SOX10: variants seen among roughly 807,000 people sequenced by gnomAD.
SOX10 encodes the protein SRY-box transcription factor 10.
In SOX10, 3 loss-of-function variants were observed where a neutral mutation model predicts 35.0. That is an observed-to-expected ratio of 0.09 (90% CI 0.04 to 0.22). The LOEUF is 0.22. Ranked by LOEUF, SOX10 falls within the 10% of genes least tolerant of loss-of-function variation. The pLI is 1.00. For synonymous variants in SOX10, 285 were observed against 291.0 expected (o/e 0.98, Z 0.21); for missense variants, 436 against 655.1 (o/e 0.67, Z 3.65).
rs1932454977 is a variant in SOX10 at position 37,983,229 on chromosome 22, T to C, written c.428+128A>G. 1 of 1,162,016 alleles carries C rather than the reference T, an allele frequency of 8.6e-7. No individual in the cohort carries two copies. The highest frequency in any genetic ancestry group is 1.5e-5 in the African/African-American group (1 of 65,704). 72.0% of individuals were successfully genotyped at this position (1,162,016 alleles called of 1,614,324 possible). A position where few individuals can be genotyped will look rare whatever the true frequency, so the allele number is the denominator to read the frequency against. On this transcript the variant is annotated intron_variant, in intron 2 of 3. Transcript: ENST00000396884. The surrounding 1 kb of genome is among the most constrained non-coding windows in gnomAD (Gnocchi z 9.5). Reference sequence around the variant, plus strand: ...GCGGGCGCGGCCCCCACACCTGGTCTTCCAGCCCTATCCAAGGAGGACTGC... The same window carrying C: ...GCGGGCGCGGCCCCCACACCTGGTCCTCCAGCCCTATCCAAGGAGGACTGC...
intron 2 of SOX10, among the ~76,000 whole-genome samples, chr22:37,982,924 A>C (rs1406213572): frequency 6.6e-6 from 1 of 152,222 alleles, no homozygotes; most frequent in Non-Finnish European, 1.5e-5. Context: ...TGAGTTCTCC[A>C]TCTGACTGCC....
In SOX10 at chr22:37,978,837, T is replaced by C. The variant is rs1315692882; in HGVS notation, c.429-702A>G. ...TGTCACCCATGCTAGAGCTCAGTGGTATGATCTCAGCTCACTGCAACCTCT... is the reference window on the plus strand; with the variant it reads ...TGTCACCCATGCTAGAGCTCAGTGGCATGATCTCAGCTCACTGCAACCTCT... On this transcript the variant is annotated intron_variant, in intron 2 of 3. Transcript: ENST00000396884. The surrounding 1 kb of genome is among the most constrained non-coding windows in gnomAD (Gnocchi z 5.0). 6.6e-6 allele frequency among the ~76,000 whole-genome samples: 1 copy of C among 152,092 alleles called. No individual in the cohort carries two copies. The highest frequency in any genetic ancestry group is 1.5e-5 in the Non-Finnish European group (1 of 68,008).
At chr22:37,976,305 C>T (rs991341492) in intron 3 of SOX10, among the ~76,000 whole-genome samples, 1 of 152,214 alleles carries the variant, frequency 6.6e-6, no homozygotes, top group Non-Finnish European at 1.5e-5. Context: ...AGGTGATCCT[C>T]CCACCTCAGC....
In SOX10 at chr22:37,973,880, C is replaced by T; in HGVS notation, c.1016G>A (p.Gly339Asp). Residue 339 changes from glycine (G) to aspartate (D), a missense_variant, in exon 4 of 4, where the codon GGC becomes GAC. Coordinates refer to ENST00000396884, the MANE Select transcript of SOX10 (RefSeq NM_006941.4). ...TGGTGAGACCGTGGGCAGAGCCACG[C>T]CTGGTGGCTTGGAGATCCAGGCGGA... ...GHSAWISKPPGVALPTVSPPG... is the reference protein window; with the variant it reads ...GHSAWISKPPDVALPTVSPPG... 6.2e-7 allele frequency: 1 copy of T among 1,610,438 alleles called. No individual in the cohort carries two copies. Among genetic ancestry groups the T allele is most frequent in the South Asian group, 1.1e-5 (1 of 91,068 alleles).
Position 37,974,730 on chromosome 22 carries a change from G to T in SOX10, c.698-532C>A, listed in dbSNP as rs372001255. Among the ~76,000 whole-genome samples the T allele has an allele frequency of 2.0e-5, 3 of 152,250 alleles. No homozygotes were observed. Among genetic ancestry groups the T allele is most frequent in the African/African-American group, 7.2e-5 (3 of 41,534 alleles). ...TCTCAAATCTTAGGGATGGGTCCTG[G>T]GGAGGCCTGCCTCATTCTGAAAAAA... On this transcript the variant is annotated intron_variant, in intron 3 of 3. Transcript: ENST00000396884. This position sits in a 1 kb window ranked among gnomAD's most constrained non-coding sequence, Gnocchi z 5.4.
chr22:37,983,637 C>G lies in SOX10; in HGVS notation c.148G>C (p.Glu50Gln). The G allele has an allele frequency of 1.2e-6, 2 of 1,600,786 alleles. No homozygotes were observed. The highest frequency in any genetic ancestry group is 2.2e-5 in the South Asian group (2 of 90,342). The change falls in exon 2 of 4, where the codon GAG becomes CAG. Residue 50 changes from glutamate to glutamine, a missense_variant. Physicochemically the swap from Glu to Gln is conservative, Grantham distance 29 (BLOSUM62 2). Around this residue, in one of 3 missense-constraint regions of SOX10, gnomAD observed 97 missense variants for 95.5 expected, o/e 1.02. Coordinates refer to ENST00000396884, the MANE Select transcript of SOX10 (RefSeq NM_006941.4). The surrounding 1 kb of genome is among the most constrained non-coding windows in gnomAD (Gnocchi z 9.5). ...TGCTCCTTCTTGACCTTGCCCAGCTCGCCTGGCCCCGGGCTGGCTCGCAGG... is the reference window on the plus strand; with the variant it reads ...TGCTCCTTCTTGACCTTGCCCAGCTGGCCTGGCCCCGGGCTGGCTCGCAGG... ...SGLRASPGPGELGKVKKEQQD... is the reference protein window; with the variant it reads ...SGLRASPGPGQLGKVKKEQQD...
chr22:37,983,206 G>A lies in SOX10; in HGVS notation c.428+151C>T. On this transcript the variant is annotated intron_variant, in intron 2 of 3. Transcript: ENST00000396884. The surrounding 1 kb of genome is among the most constrained non-coding windows in gnomAD (Gnocchi z 9.5). Reference sequence around the variant, plus strand: ...TCCAGGGTCCTTGTGATGGAAGGGCGGGCGCGGCCCCCACACCTGGTCTTC... The same window carrying A: ...TCCAGGGTCCTTGTGATGGAAGGGCAGGCGCGGCCCCCACACCTGGTCTTC... 3.2e-6 allele frequency: 3 copies of A among 928,296 alleles called. No homozygotes were observed. The highest frequency in any genetic ancestry group is 5.0e-6 in the Non-Finnish European group (3 of 601,512). 57.5% of individuals were successfully genotyped at this position (928,296 alleles called of 1,614,324 possible). A position where few individuals can be genotyped will look rare whatever the true frequency, so the allele number is the denominator to read the frequency against.
In SOX10 at chr22:37,974,143, C is replaced by G. The variant is rs376907937; in HGVS notation, c.753G>C (p.Ser251=). 2.6e-5 allele frequency: 42 copies of G among 1,611,366 alleles called. No individual in the cohort carries two copies. Among genetic ancestry groups the G allele is most frequent in the Non-Finnish European group, 3.6e-5 (42 of 1,179,966 alleles). Residue 251 remains serine, a synonymous_variant, in exon 4 of 4, where the codon TCG becomes TCC. Transcript: ENST00000396884. The surrounding 1 kb of genome is among the most constrained non-coding windows in gnomAD (Gnocchi z 5.4). ...PPTTPKTELQ[S]GKADPKRDGR... ...CGTCCCGCTTCGGGTCTGCCTTGCC[C>G]GACTGCAGCTCTGTCTTCGGGGTGG...
chr22:37,979,683 G>A (rs2145771481), intron 2 of SOX10, among the ~76,000 whole-genome samples: 2 of 152,228 alleles, frequency 1.3e-5, no homozygotes, highest in African/African-American at 4.8e-5. Context: ...TGAAGCCAGC[G>A]CCCTTGCCAC....
chr22:37,983,271 G>T lies in SOX10; in HGVS notation c.428+86C>A. On this transcript the variant is annotated intron_variant, in intron 2 of 3. Transcript: ENST00000396884. The surrounding 1 kb of genome is among the most constrained non-coding windows in gnomAD (Gnocchi z 9.5). Reference sequence around the variant, plus strand: ...GAGGACTGCCAGACAGTCCCGCTCTGAGGTGCAGGAGGCCGGGCCGCCTCG... The same window carrying T: ...GAGGACTGCCAGACAGTCCCGCTCTTAGGTGCAGGAGGCCGGGCCGCCTCG... 1 of 1,437,682 alleles carries T rather than the reference G, an allele frequency of 7.0e-7. No homozygotes were observed. Among genetic ancestry groups the T allele is most frequent in the Non-Finnish European group, 9.5e-7 (1 of 1,053,244 alleles). 89.1% of individuals were successfully genotyped at this position (1,437,682 alleles called of 1,614,324 possible).
In SOX10 at chr22:37,984,290, C is replaced by T. The variant is rs1932502758; in HGVS notation, c.-85+49G>A. The T allele has an allele frequency of 6.5e-6, 1 of 154,076 alleles. No individual in the cohort carries two copies. Among genetic ancestry groups the T allele is most frequent in the South Asian group, 2.0e-4 (1 of 4,884 alleles). 9.5% of individuals were successfully genotyped at this position (154,076 alleles called of 1,614,324 possible). On this transcript the variant is annotated intron_variant, in intron 1 of 3. Coordinates refer to ENST00000396884, the MANE Select transcript of SOX10 (RefSeq NM_006941.4). The surrounding 1 kb of genome is among the most constrained non-coding windows in gnomAD (Gnocchi z 4.4). ...GGTGTCGCCTCTCTCCACCTCACAG[C>T]AGGGTCCCAGGCCTGGGCGGGCCAG...
chr22:37,983,421 G>A lies in SOX10; in HGVS notation c.364C>T (p.Leu122Phe). 6.2e-7 allele frequency: 1 copy of A among 1,611,432 alleles called. No individual in the cohort carries two copies. Among genetic ancestry groups the A allele is most frequent in the Non-Finnish European group, 8.5e-7 (1 of 1,179,236 alleles). The stretch of plus-strand genomic sequence containing the variant: ...TGCAGGTGCGGGTACTGGTCCGCGA[G>A]CTTCCTGCGCGCTGCCTGAGCCCAC... ...MVWAQAARRKLADQYPHLHNA... is the reference protein window; with the variant it reads ...MVWAQAARRKFADQYPHLHNA... The change falls in exon 2 of 4, where the codon CTC becomes TTC. Residue 122 changes from leucine (L) to phenylalanine (F), a missense_variant. Leu to Phe is a conservative substitution (Grantham distance 22). Coordinates refer to ENST00000396884, the MANE Select transcript of SOX10 (RefSeq NM_006941.4). This position sits in a 1 kb window ranked among gnomAD's most constrained non-coding sequence, Gnocchi z 9.5.
Position 37,979,856 on chromosome 22 carries a change from G to A in SOX10, c.429-1721C>T, listed in dbSNP as rs1051487507. Among the ~76,000 whole-genome samples the A allele has an allele frequency of 2.6e-5, 4 of 152,088 alleles. No individual in the cohort carries two copies. In the East Asian group the frequency reaches 7.7e-4, roughly 29 times the overall value. On this transcript the variant is annotated intron_variant, in intron 2 of 3. Transcript: ENST00000396884. ...ACTGAGAATCCATGAGTCTTTGTGG[G>A]AGCAGCCTTGTCTGTCAGTCCAGAG...
chr22:37,979,822 G>T (rs1434395461), intron 2 of SOX10, among the ~76,000 whole-genome samples: 1 of 152,076 alleles, frequency 6.6e-6, no homozygotes, highest in Non-Finnish European at 1.5e-5. Context: ...TAGAATCCCA[G>T]ACCTTGGTAC....
Position 37,978,149 on chromosome 22 carries a change from G to A in SOX10, c.429-14C>T, listed in dbSNP as rs940982555. The A allele has an allele frequency of 3.9e-6, 6 of 1,542,294 alleles. No homozygotes were observed. Among genetic ancestry groups the A allele is most frequent in the Non-Finnish European group, 5.2e-6 (6 of 1,145,150 alleles). On this transcript the variant is annotated splice_polypyrimidine_tract_variant and intron_variant, in intron 2 of 3. Transcript: ENST00000396884. The surrounding 1 kb of genome is among the most constrained non-coding windows in gnomAD (Gnocchi z 5.0). ...TCGTTCAGCAGCCTGGGGTGTGGTG[G>A]GAGGCGGAGAGGACAGCAGAGGGGC...
Position 37,977,987 on chromosome 22 carries a change from C to G in SOX10, c.577G>C (p.Gly193Arg). The change falls in exon 3 of 4, where the codon GGG becomes CGG. Residue 193 changes from glycine to arginine, a missense_variant. Transcript: ENST00000396884. ...GCGGTCCCACCTTGCTCGGCCTCCCCACCGGGGCACTCCGCCTCGCCCTGG... is the reference window on the plus strand; with the variant it reads ...GCGGTCCCACCTTGCTCGGCCTCCCGACCGGGGCACTCCGCCTCGCCCTGG... ...AAQGEAECPG[G>R]EAEQGGTAAI... The G allele has an allele frequency of 6.2e-7, 1 of 1,611,994 alleles. No homozygotes were observed. The highest frequency in any genetic ancestry group is 8.5e-7 in the Non-Finnish European group (1 of 1,179,862).
At chr22:37,977,781 G>A (rs992706304) in intron 3 of SOX10, 86 bp downstream of exon 3, 34 of 1,423,032 alleles carry the variant, frequency 2.4e-5, no homozygotes, top group African/African-American at 2.8e-5. Flanking sequence ...GCTCTCCCTA[G>A]AGTCCAGGGT....
At position 37,974,161 on chromosome 22, in the gene SOX10, C is replaced by T. The variant is rs762449567; in HGVS notation, c.735G>A (p.Pro245=). The T allele has an allele frequency of 2.7e-5, 37 of 1,346,298 alleles. No homozygotes were observed. Among genetic ancestry groups the T allele is most frequent in the Non-Finnish European group, 3.6e-5 (36 of 992,320 alleles). The allele number at this position is 1,346,298 out of a possible 1,614,324, so 83.4% of individuals were successfully genotyped here. ...CCTTGCCCGACTGCAGCTCTGTCTT[C>T]GGGGTGGTTGGAGGGGTGGGTGGGC... The part of the protein sequence containing the change: ...SHGPPTPPTT[P]KTELQSGKAD... The change falls in exon 4 of 4, where the codon CCG becomes CCA. Residue 245 remains proline (P), a synonymous_variant. Transcript: ENST00000396884. The surrounding 1 kb of genome is among the most constrained non-coding windows in gnomAD (Gnocchi z 5.4).
At position 37,973,688 on chromosome 22, in the gene SOX10, G is replaced by C. The variant is rs1267692497; in HGVS notation, c.1208C>G (p.Ser403Cys). ...ATAGGGTCCTGAGGGCTGATGGTCA[G>C]AGTAGTCAAACTGGGGGCGGGAGAT... The part of the protein sequence containing the change: ...PSISRPQFDY[S>C]DHQPSGPYYG... Residue 403 changes from serine to cysteine, a missense_variant, in exon 4 of 4, where the codon TCT becomes TGT. Coordinates refer to ENST00000396884, the MANE Select transcript of SOX10 (RefSeq NM_006941.4). 1 of 1,610,186 alleles carries C rather than the reference G, an allele frequency of 6.2e-7. No homozygotes were observed. Among genetic ancestry groups the C allele is most frequent in the Non-Finnish European group, 8.5e-7 (1 of 1,177,228 alleles).
Sources: gnomAD v4.1 joint callset for allele counts (sites outside exome capture counted in the v4.1 genomes callset) on GRCh38, gnomAD v4.1.1 for gene constraint, gnomAD v4.1.1 regional missense constraint, Gnocchi (gnomAD v3.1) non-coding constraint, MANE v1.5 for transcripts, NCBI Gene and HGNC (gene_info 2026-07-23, HGNC 2026-07-21) for gene names.